Variants in GLRA2 observed in about 807,000 individuals in gnomAD.
The protein encoded by GLRA2 is glycine receptor alpha 2.
A neutral mutation model predicts 31.6 loss-of-function variants in GLRA2; 11 were observed. The ratio of observed to expected loss-of-function variants is 0.35; its 90% CI spans 0.22 to 0.58. The LOEUF is 0.58. Among genes scored for constraint, GLRA2 ranks in the 20% least tolerant of loss-of-function variants. The pLI is 0.84. For synonymous variants in GLRA2, 132 were observed against 134.0 expected (o/e 0.99, Z 0.10); for missense variants, 212 against 351.8 (o/e 0.60, Z 3.18).
chrX:14,489,280 G>T, the GLRA2 span, among the ~76,000 whole-genome samples: 1 of 111,247 alleles, frequency 9.0e-6, no homozygotes, highest in Non-Finnish European at 1.9e-5. Flanking sequence ...GGACTTTTCT[G>T]ATGGTATAAA....
rs6630615 is a variant in GLRA2 at position 14,573,728 on chromosome X, T to G, written c.203-605T>G. On this transcript the variant is annotated intron_variant, in intron 2 of 8. Coordinates refer to ENST00000218075, the MANE Select transcript of GLRA2 (RefSeq NM_002063.4). The stretch of plus-strand genomic sequence containing the variant: ...CACCATATTTACTAAGGTAACAATA[T>G]GGACGTAAATTGACATTACTGTATG... Among the ~76,000 whole-genome samples the G allele has an allele frequency of 5.4e-5, 6 of 110,097 alleles. No individual in the cohort carries two copies. In the East Asian group the frequency reaches 1.4e-3, roughly 26 times the overall value.
intron 7 of GLRA2, among the ~76,000 whole-genome samples, chrX:14,680,012 T>TG (rs1210272436): frequency 2.7e-5 from 3 of 112,241 alleles, no homozygotes; most frequent in African/African-American, 9.7e-5. Context: ...ATTTTAGGCT[T>TG]TGTGGCCATT....
At chrX:14,623,180 G>A (rs902970153) in intron 7 of GLRA2, among the ~76,000 whole-genome samples, 3 of 111,628 alleles carry the variant, frequency 2.7e-5, no homozygotes, top group African/African-American at 9.8e-5. Flanking sequence ...GAAAGCTTGT[G>A]ATTTTTGCAC....
At chrX:14,649,460 A>T (rs1450832816) in intron 7 of GLRA2, among the ~76,000 whole-genome samples, 1 of 111,238 alleles carries the variant, frequency 9.0e-6, no homozygotes, top group Non-Finnish European at 1.9e-5. Flanking sequence ...ATCATTAAAT[A>T]TATGTGTACC....
intron 2 of GLRA2, among the ~76,000 whole-genome samples, chrX:14,562,206 T>C (rs1046097528): frequency 3.6e-5 from 4 of 112,233 alleles, no homozygotes; most frequent in Admixed American, 2.8e-4. Flanking sequence ...GAGTAGAAAC[T>C]GTCAGAACCA....
At chrX:14,582,068 T>C (rs1307956105) in intron 4 of GLRA2, among the ~76,000 whole-genome samples, 4 of 60,341 alleles carry the variant, frequency 6.6e-5, no homozygotes, top group Admixed American at 1.3e-4. Flanking sequence ...TTTTTTTTTT[T>C]CCATATTTTT....
the GLRA2 span, among the ~76,000 whole-genome samples, chrX:14,496,354 G>A: frequency 4.5e-5 from 5 of 111,814 alleles, no homozygotes; most frequent in African/African-American, 9.7e-5. Flanking sequence ...GAGTAAATCC[G>A]CACATATGTG....
chrX:14,479,107 A>G, the GLRA2 span, among the ~76,000 whole-genome samples: 2,215 of 110,620 alleles, frequency 0.02, 72 homozygotes, highest in African/African-American at 0.069. Context: ...AGAAGTAGGC[A>G]TGCAGAGAAA....
chrX:14,694,623 T>C (rs2091413983), intron 8 of GLRA2, among the ~76,000 whole-genome samples: 1 of 111,810 alleles, frequency 8.9e-6, no homozygotes, highest in Non-Finnish European at 1.9e-5. Context: ...TGGCTTAGAT[T>C]ATGGTATTGG....
chrX:14,695,948 T>A (rs2091438996), intron 8 of GLRA2, among the ~76,000 whole-genome samples: 1 of 110,662 alleles, frequency 9.0e-6, no homozygotes, highest in African/African-American at 3.3e-5. Context: ...ACTGTGGTTA[T>A]GACTTTAAAG....
At chrX:14,501,605 C>G in the GLRA2 span, among the ~76,000 whole-genome samples, 1 of 111,628 alleles carries the variant, frequency 9.0e-6, no homozygotes, top group Non-Finnish European at 1.9e-5. Flanking sequence ...ACGAGCCGTT[C>G]CAGAATTTCA....
At position 14,731,327 on chromosome X, in the gene GLRA2, T is replaced by A. The variant is rs771548444; in HGVS notation, c.*842T>A. On this transcript the variant is annotated 3_prime_UTR_variant, in exon 9 of 9. Transcript: ENST00000218075. Reference sequence around the variant, plus strand: ...TTTATTTTATATCCAAGTTAGTGCATTATATATATATTTTTGCTTTGGCTA... The same window carrying A: ...TTTATTTTATATCCAAGTTAGTGCAATATATATATATTTTTGCTTTGGCTA... 1.4e-4 allele frequency: 16 copies of A among 112,241 alleles called. No individual in the cohort carries two copies. The highest frequency in any genetic ancestry group is 4.9e-4 in the African/African-American group (15 of 30,867). 9.2% of individuals were successfully genotyped at this position (112,241 alleles called of 1,213,427 possible). A position where few individuals can be genotyped will look rare whatever the true frequency, so the allele number is the denominator to read the frequency against.
At chrX:14,716,063 T>C (rs2091779932) in intron 8 of GLRA2, among the ~76,000 whole-genome samples, 1 of 111,487 alleles carries the variant, frequency 9.0e-6, no homozygotes, top group African/African-American at 3.3e-5. Context: ...ATAGTATGCA[T>C]ACTCACGAAG....
At chrX:14,540,472 C>A (rs375695027) in intron 2 of GLRA2, among the ~76,000 whole-genome samples, 8 of 111,232 alleles carry the variant, frequency 7.2e-5, no homozygotes, top group East Asian at 2.8e-4. Flanking sequence ...CCAGATTCAA[C>A]TAACAGTCAG....
chrX:14,515,415 A>T, the GLRA2 span, among the ~76,000 whole-genome samples: 1 of 111,882 alleles, frequency 8.9e-6, no homozygotes, highest in Non-Finnish European at 1.9e-5. Context: ...CAGTTTTTTT[A>T]AATCAATTTT....
intron 4 of GLRA2, among the ~76,000 whole-genome samples, chrX:14,596,567 A>G (rs1014199422): frequency 1.8e-5 from 2 of 110,513 alleles, no homozygotes; most frequent in Non-Finnish European, 3.8e-5. Flanking sequence ...GAATCGCTTG[A>G]ACTCGGGAGG....
At chrX:14,714,228 C>A (rs773511899) in intron 8 of GLRA2, among the ~76,000 whole-genome samples, 2 of 110,741 alleles carry the variant, frequency 1.8e-5, no homozygotes, top group South Asian at 7.8e-4. Context: ...CAGGGGTTCT[C>A]AAGTAGGGTT....
At chrX:14,697,511 A>G (rs2147200252) in intron 8 of GLRA2, among the ~76,000 whole-genome samples, 1 of 111,769 alleles carries the variant, frequency 8.9e-6, no homozygotes, top group African/African-American at 3.3e-5. Context: ...TTTTCTTCAT[A>G]TGTTCCAGAT....
rs112010468 is a variant in GLRA2 at position 14,550,260 on chromosome X, G to GT, written c.202+17901dup. Among the ~76,000 whole-genome samples the GT allele has an allele frequency of 6.3e-3, 614 of 97,850 alleles. 2 individuals carry two copies. Among genetic ancestry groups the GT allele is most frequent in the African/African-American group, 7.4e-3 (200 of 27,097 alleles). 85.0% of individuals were successfully genotyped at this position (97,850 alleles called of 115,157 possible). Reference sequence around the variant, plus strand: ...GATTACAGAATTTGAGGGAAAGGAGGTTTTTTTTTTTTTAAAATTAAGATG... The same window carrying GT: ...GATTACAGAATTTGAGGGAAAGGAGGTTTTTTTTTTTTTTAAAATTAAGATG... On this transcript the variant is annotated intron_variant, in intron 2 of 8. Coordinates refer to ENST00000218075, the MANE Select transcript of GLRA2 (RefSeq NM_002063.4).
Sources: allele counts gnomAD v4.1 joint callset (sites outside exome capture counted in the v4.1 genomes callset), GRCh38; gene constraint gnomAD v4.1.1; transcripts MANE v1.5; gene names NCBI Gene and HGNC (gene_info 2026-07-23, HGNC 2026-07-21).